The following CTNNA3 variants were observed in gnomAD, a reference collection of about 807,000 sequenced individuals.
CTNNA3 encodes catenin alpha 3.
A neutral mutation model predicts 95.7 loss-of-function variants in CTNNA3; 76 were observed. The ratio of observed to expected loss-of-function variants is 0.79; its 90% confidence interval spans 0.66 to 0.96. The LOEUF is 0.96. Among genes scored for constraint, CTNNA3 ranks in the 40% least tolerant of loss-of-function variants. The pLI is 0.00. For missense variants in CTNNA3, 1,191 were observed against 1,089.8 expected (o/e 1.09, Z -1.31); for synonymous variants, 431 against 374.4 (o/e 1.15, Z -1.74).
chr10:66,958,308 C>CAAAAA (rs35076056), intron 7 of CTNNA3, among the ~76,000 whole-genome samples: 1 of 86,944 alleles, frequency 1.2e-5, no homozygotes, highest in Non-Finnish European at 2.4e-5. Flanking sequence ...TGCTTTCTTG[C>CAAAAA]AAAAAAAAAA....
intron 9 of CTNNA3, among the ~76,000 whole-genome samples, chr10:66,719,679 A>G (rs1432094879): frequency 6.6e-6 from 1 of 152,124 alleles, no homozygotes; most frequent in East Asian, 1.9e-4. Context: ...GTGGCCTTAT[A>G]TGGTTTGTGG....
At chr10:66,354,384 C>T (rs1388829435) in intron 12 of CTNNA3, among the ~76,000 whole-genome samples, 1 of 151,476 alleles carries the variant, frequency 6.6e-6, no homozygotes, top group Non-Finnish European at 1.5e-5. Context: ...CTTGAAACAA[C>T]ATCAAGGTAT....
intron 5 of CTNNA3, among the ~76,000 whole-genome samples, chr10:67,508,721 C>T (rs574911153): frequency 1.5e-3 from 235 of 151,948 alleles, no homozygotes; most frequent in African/African-American, 5.3e-3. Flanking sequence ...GAAATAGTAA[C>T]CTATGGAATG....
At chr10:67,607,450 T>C (rs1843315493) in intron 2 of CTNNA3, among the ~76,000 whole-genome samples, 1 of 152,158 alleles carries the variant, frequency 6.6e-6, no homozygotes. Flanking sequence ...ATCCTCATCA[T>C]ATTCATATTC....
intron 5 of CTNNA3, among the ~76,000 whole-genome samples, chr10:67,451,719 T>C (rs774269823): frequency 3.3e-5 from 5 of 152,192 alleles, no homozygotes; most frequent in South Asian, 2.1e-4. Context: ...TGATACTTCA[T>C]TGCTGCATCT....
chr10:66,982,063 T>C (rs958361856), intron 7 of CTNNA3, among the ~76,000 whole-genome samples: 1 of 152,158 alleles, frequency 6.6e-6, no homozygotes, highest in African/African-American at 2.4e-5. Context: ...TCCATACACA[T>C]AACATTAGAT....
At chr10:66,109,886 C>A (rs2082053515) in intron 13 of CTNNA3, among the ~76,000 whole-genome samples, 1 of 150,338 alleles carries the variant, frequency 6.7e-6, no homozygotes, top group Non-Finnish European at 1.5e-5. Context: ...AAACTACAAA[C>A]TTGCTTGCAG....
At chr10:67,359,820 A>G (rs1163017133) in intron 5 of CTNNA3, among the ~76,000 whole-genome samples, 1 of 152,130 alleles carries the variant, frequency 6.6e-6, no homozygotes, top group Non-Finnish European at 1.5e-5. Context: ...TCACTAGAGA[A>G]GTCAACATGC....
chr10:67,518,786 G>A (rs1035071656), intron 5 of CTNNA3, among the ~76,000 whole-genome samples: 9 of 152,022 alleles, frequency 5.9e-5, no homozygotes, highest in African/African-American at 2.2e-4. Flanking sequence ...ATCTGAGATC[G>A]ATATAATAGC....
intron 15 of CTNNA3, among the ~76,000 whole-genome samples, chr10:66,026,768 C>T (rs1456108225): frequency 6.6e-6 from 1 of 151,966 alleles, no homozygotes; most frequent in Non-Finnish European, 1.5e-5. Context: ...GTGTTATTGA[C>T]ACAAGATTTT....
chr10:66,438,320 T>C (rs973245016), intron 11 of CTNNA3, among the ~76,000 whole-genome samples: 2 of 152,170 alleles, frequency 1.3e-5, no homozygotes, highest in Non-Finnish European at 1.5e-5. Flanking sequence ...CCCCAGGTGC[T>C]CTGTCCCAGG....
intron 15 of CTNNA3, among the ~76,000 whole-genome samples, chr10:66,023,912 ATG>A: frequency 6.6e-6 from 1 of 152,172 alleles, no homozygotes; most frequent in African/African-American, 2.4e-5. Context: ...CTACACCCAT[ATG>A]AAACTCGTTC....
intron 5 of CTNNA3, among the ~76,000 whole-genome samples, chr10:67,268,056 A>C (rs1323022860): frequency 1.3e-5 from 2 of 152,088 alleles, no homozygotes; most frequent in Non-Finnish European, 2.9e-5. Context: ...ATCTGAAATA[A>C]CTGAAATTTG....
intron 15 of CTNNA3, among the ~76,000 whole-genome samples, chr10:66,034,233 T>A (rs1014437262): frequency 1.5e-4 from 23 of 151,980 alleles, no homozygotes; most frequent in African/African-American, 5.1e-4. Flanking sequence ...ACAATTGAAA[T>A]TTAAAGTTAG....
At chr10:66,166,448 C>A (rs760364720) in intron 13 of CTNNA3, among the ~76,000 whole-genome samples, 1 of 147,136 alleles carries the variant, frequency 6.8e-6, no homozygotes, top group Non-Finnish European at 1.5e-5. Context: ...GAGCTGAGAT[C>A]GCACCACTGC....
Position 65,915,526 on chromosome 10 carries a change from T to A in CTNNA3, c.*4804A>T, listed in dbSNP as rs542594603. On this transcript the variant is annotated 3_prime_UTR_variant, in exon 18 of 18. Transcript: ENST00000433211. Reference sequence around the variant, plus strand: ...TCCATTTTTCTCCAACTTACCAAACTCATATTGAATATCAATCCATGTGTT... The same window carrying A: ...TCCATTTTTCTCCAACTTACCAAACACATATTGAATATCAATCCATGTGTT... The A allele has an allele frequency of 6.6e-6, 1 of 152,230 alleles. No homozygotes were observed. Among genetic ancestry groups the A allele is most frequent in the South Asian group, 2.1e-4 (1 of 4,826 alleles). The allele number at this position is 152,230 out of a possible 1,614,324, so 9.4% of individuals were successfully genotyped here. A position where few individuals can be genotyped will look rare whatever the true frequency, so the allele number is the denominator to read the frequency against.
intron 11 of CTNNA3, among the ~76,000 whole-genome samples, chr10:66,445,398 T>A (rs964342021): frequency 1.3e-5 from 2 of 151,830 alleles, no homozygotes; most frequent in African/African-American, 4.8e-5. Context: ...CCACACCTAT[T>A]CCAAAATTGA....
chr10:67,121,144 G>A (rs2131992955), intron 7 of CTNNA3, among the ~76,000 whole-genome samples: 1 of 152,030 alleles, frequency 6.6e-6, no homozygotes, highest in East Asian at 1.9e-4. Flanking sequence ...TAGTTTATCT[G>A]AACTCTCCCA....
rs191280468 is a variant in CTNNA3, at chr10:67,628,655, T to A, written c.99+18760A>T. ...ACCTTTTTTCTGAGTTATATTTATA[T>A]GGCTATCTTGTTAGTATGTGTTCCA... is the stretch of plus-strand genomic sequence containing the variant. On this transcript the variant is annotated intron_variant, in intron 2 of 17. Coordinates refer to ENST00000433211, the MANE Select transcript of CTNNA3 (RefSeq NM_013266.4). Among the ~76,000 whole-genome samples the A allele has an allele frequency of 4.6e-5, 7 of 152,304 alleles. No homozygotes were observed. The East Asian group carries it at 1.3e-3, about 29-fold the overall frequency.
Sources: gnomAD v4.1 joint callset for allele counts (sites outside exome capture counted in the v4.1 genomes callset) on GRCh38, gnomAD v4.1.1 for gene constraint, MANE v1.5 for transcripts, NCBI Gene and HGNC (gene_info 2026-07-23, HGNC 2026-07-21) for gene names.